The following ZNF547 variants were observed in gnomAD, a reference collection of about 807,000 sequenced individuals.
ZNF547 encodes the protein zinc finger protein 547.
ZNF547 carries 4 observed loss-of-function variants against 7.7 expected under a neutral mutation model. The ratio of observed to expected loss-of-function variants is 0.52; its 90% CI spans 0.26 to 1.20. The LOEUF is 1.20. ZNF547 is among the 50% of genes most tolerant of loss of function. ZNF547 has a pLI of 0.14. For synonymous variants in ZNF547, 166 were observed against 166.2 expected, an observed-to-expected ratio of 1.00 and a Z score of 0.01; for missense variants, 449 against 485.8, an observed-to-expected ratio of 0.92 and a Z score of 0.71.
At chr19:57,366,815 G>A (rs976576774) in intron 1 of ZNF547, among the ~76,000 whole-genome samples, 1 of 152,230 alleles carries the variant, frequency 6.6e-6, no homozygotes, top group African/African-American at 2.4e-5. Context: ...AAATGTCATA[G>A]CACATACGTG....
chr19:57,365,312 T>C, intron 1 of ZNF547: 2 of 1,179,058 alleles, frequency 1.7e-6, no homozygotes, highest in Non-Finnish European at 2.4e-6. Flanking sequence ...CTCAGGAATG[T>C]GTACATTGTA....
At position 57,378,781 on chromosome 19, in the gene ZNF547, A is replaced by G. The variant is rs1192581176; in HGVS notation, c.*596A>G. ...TACTTGAAGTACATTAACATTGTTG[A>G]GCAAAGAATATCCTGAACTCTTTAT... On this transcript the variant is annotated 3_prime_UTR_variant, in exon 4 of 4. Transcript: ENST00000282282. The G allele has an allele frequency of 2.2e-6, 1 of 451,732 alleles. No homozygotes were observed. The highest frequency in any genetic ancestry group is 4.4e-6 in the Non-Finnish European group (1 of 227,496). 28.0% of individuals were successfully genotyped at this position (451,732 alleles called of 1,614,324 possible). A position where few individuals can be genotyped will look rare whatever the true frequency, so the allele number is the denominator to read the frequency against.
At chr19:57,368,323 C>A (rs1245558238) in intron 1 of ZNF547, 4 of 534,712 alleles carry the variant, frequency 7.5e-6, no homozygotes, top group Non-Finnish European at 1.3e-5. Context: ...GCCATTCTTA[C>A]AACCTATTTA....
rs573604489 is a variant in ZNF547 at position 57,369,219 on chromosome 19, G to A, written c.24+640G>A. Among the ~76,000 whole-genome samples the A allele has an allele frequency of 1.3e-3, 195 of 152,232 alleles. 1 individual carries two copies. The highest frequency in any genetic ancestry group is 5.6e-4 in the Non-Finnish European group (38 of 68,020). On this transcript the variant is annotated intron_variant, in intron 2 of 3. Coordinates refer to ENST00000282282, the MANE Select transcript of ZNF547 (RefSeq NM_173631.4). ...TTGGTGGTGACTTGTCAAGAGTAGC[G>A]GTGGCTTCAGGATGTGTTTTGAACT... is the stretch of plus-strand genomic sequence containing the variant.
Position 57,375,603 on chromosome 19 carries a change from G to A in ZNF547, c.152-1525G>A, listed in dbSNP as rs371768111. Among the ~76,000 whole-genome samples the A allele has an allele frequency of 1.6e-4, 24 of 145,990 alleles. No homozygotes were observed. The South Asian group carries it at 3.6e-3, about 22-fold the overall frequency. ...CTTGAACCCAGGAAGCGGAGGTTGC[G>A]GTGAGCTGAGATCAAGCCACTGCAC... is the stretch of plus-strand genomic sequence containing the variant. On this transcript the variant is annotated intron_variant, in intron 3 of 3. Coordinates refer to ENST00000282282, the MANE Select transcript of ZNF547 (RefSeq NM_173631.4).
chr19:57,366,401 G>T (rs1362723384), intron 1 of ZNF547, among the ~76,000 whole-genome samples: 1 of 150,962 alleles, frequency 6.6e-6, no homozygotes, highest in Non-Finnish European at 1.5e-5. Context: ...GTAGAGACAG[G>T]GTTTCGCCAT....
rs1272338745 is a variant in ZNF547, at chr19:57,377,958, G to C, written c.982G>C (p.Glu328Gln). The C allele has an allele frequency of 2.5e-6, 4 of 1,614,188 alleles. No homozygotes were observed. The highest frequency in any genetic ancestry group is 3.4e-6 in the Non-Finnish European group (4 of 1,179,998). The change falls in exon 4 of 4, where the codon GAA becomes CAA. Residue 328 changes from glutamate to glutamine, a missense_variant. Glu to Gln is a conservative substitution (Grantham distance 29, BLOSUM62 2). Coordinates refer to ENST00000282282, the MANE Select transcript of ZNF547 (RefSeq NM_173631.4). ...HTGERPYECNECGKFFSLKSV... is the reference protein window; with the variant it reads ...HTGERPYECNQCGKFFSLKSV... ...TGGAGAAAGGCCTTATGAGTGCAAT[G>C]AATGTGGGAAATTCTTCAGCTTGAA...
intron 3 of ZNF547, among the ~76,000 whole-genome samples, chr19:57,375,323 C>G (rs1002445384): frequency 2.6e-5 from 4 of 151,964 alleles, no homozygotes; most frequent in East Asian, 1.9e-4. Flanking sequence ...GCACTCCAGC[C>G]TGGGTGACAG....
intron 3 of ZNF547, among the ~76,000 whole-genome samples, chr19:57,375,391 C>T (rs975337979): frequency 7.3e-5 from 11 of 150,736 alleles, no homozygotes; most frequent in Admixed American, 1.3e-4. Context: ...TGGCCCACTC[C>T]GGTAATCCCA....
chr19:57,372,664 C>T (rs1054309763), intron 3 of ZNF547, among the ~76,000 whole-genome samples: 3 of 152,234 alleles, frequency 2.0e-5, no homozygotes, highest in Admixed American at 1.3e-4. Flanking sequence ...TTCCTTCCCC[C>T]GTTGTCATTT....
intron 3 of ZNF547, among the ~76,000 whole-genome samples, 181 bp downstream of exon 3, chr19:57,372,089 GC>G (rs2088508719): frequency 6.6e-6 from 1 of 152,176 alleles, no homozygotes; most frequent in Admixed American, 6.5e-5. Flanking sequence ...TTTCCTGGCA[GC>G]CCCATCCTCT....
At chr19:57,366,444 A>G (rs754376668) in intron 1 of ZNF547, among the ~76,000 whole-genome samples, 56 of 145,316 alleles carry the variant, frequency 3.9e-4, no homozygotes, top group South Asian at 2.2e-4. Flanking sequence ...TCCTGACCTC[A>G]GGTTATCTGC....
chr19:57,369,899 C>CTGTTTTTTTTTTTT (rs2088493645), intron 2 of ZNF547, among the ~76,000 whole-genome samples: 1 of 51,674 alleles, frequency 1.9e-5, no homozygotes, highest in Non-Finnish European at 3.3e-5. Flanking sequence ...ACTCACAGTT[C>CTGTTTTTTTTTTTT]TTTTTTTTTT....
intron 2 of ZNF547, 135 bp downstream of exon 2, chr19:57,368,714 T>G (rs1195002139): frequency 2.5e-6 from 2 of 812,626 alleles, no homozygotes; most frequent in Non-Finnish European, 4.0e-6. Flanking sequence ...AAGTGAGTGA[T>G]TCCACCAGTT....
In ZNF547 at chr19:57,364,821, T is replaced by C. The variant is rs1252903350; in HGVS notation, c.-13+1118T>C. The C allele has an allele frequency of 5.6e-6, 9 of 1,593,846 alleles. No homozygotes were observed. In the Middle Eastern group the frequency reaches 1.3e-3, roughly 237 times the overall value. ...TGTCGGCCTCCCGCTGCAGGAGCCA[T>C]ATATTGAAGACCATGTCTGGAAGCT... On this transcript the variant is annotated intron_variant, in intron 1 of 3. Transcript: ENST00000282282.
chr19:57,365,419 C>T (rs2088460092), intron 1 of ZNF547: 1 of 609,548 alleles, frequency 1.6e-6, no homozygotes, highest in South Asian at 2.2e-5. Flanking sequence ...TACATTCTGT[C>T]TCATGTCACA....
intron 1 of ZNF547, among the ~76,000 whole-genome samples, chr19:57,366,472 A>G (rs545891628): frequency 3.8e-4 from 58 of 151,030 alleles, no homozygotes; most frequent in African/African-American, 1.3e-3. Context: ...GGCCTCCCGG[A>G]GTGCTGGGAT....
Position 57,369,601 on chromosome 19 carries a change from G to A in ZNF547, c.24+1022G>A, listed in dbSNP as rs559697749. 2.0e-5 allele frequency among the ~76,000 whole-genome samples: 3 copies of A among 152,136 alleles called. No individual in the cohort carries two copies. The South Asian group carries it at 6.2e-4, about 32-fold the overall frequency. ...AATTGGAATGGGGCATGAGAACTGG[G>A]TCTCTTACTGGGTAGCTGTGCAGTG... On this transcript the variant is annotated intron_variant, in intron 2 of 3. Transcript: ENST00000282282.
chr19:57,377,672 A>G lies in ZNF547; in HGVS notation c.696A>G (p.Thr232=). ...LCKSHLVRHQ[T]IHSGERPYEC... ...AGTCTCACCTTGTTCGTCACCAGAC[A>G]ATCCACTCTGGAGAAAGGCCTTATG... The change falls in exon 4 of 4, where the codon ACA becomes ACG. Residue 232 remains threonine, a synonymous_variant. Coordinates refer to ENST00000282282, the MANE Select transcript of ZNF547 (RefSeq NM_173631.4). The G allele has an allele frequency of 1.9e-6, 3 of 1,612,446 alleles. No homozygotes were observed. The highest frequency in any genetic ancestry group is 2.5e-6 in the Non-Finnish European group (3 of 1,178,598).
Sources: allele counts gnomAD v4.1 joint callset (sites outside exome capture counted in the v4.1 genomes callset), GRCh38; gene constraint gnomAD v4.1.1; transcripts MANE v1.5; gene names NCBI Gene and HGNC (gene_info 2026-07-23, HGNC 2026-07-21).